Variants in DNAH5 observed in about 807,000 individuals in gnomAD.
DNAH5 encodes axonemal beta dynein heavy chain 5.
DNAH5 carries 372 observed loss-of-function variants against 518.2 expected under a neutral mutation model. The observed-to-expected ratio is 0.72, with a 90% CI of 0.66 to 0.78. The LOEUF (loss-of-function observed/expected upper bound fraction) is 0.78, where lower values mean the gene tolerates loss of function less well. DNAH5 is among the 30% of genes least tolerant of loss of function. DNAH5 has a pLI of 0.00. For missense variants in DNAH5, 5,523 were observed against 5,687.0 expected (o/e 0.97, Z 0.93); for synonymous variants, 2,039 against 2,025.9 (o/e 1.01, Z -0.17).
At chr5:13,748,649 T>C (rs1749766721) in intron 65 of DNAH5, among the ~76,000 whole-genome samples, 1 of 152,210 alleles carries the variant, frequency 6.6e-6, no homozygotes, top group Non-Finnish European at 1.5e-5. Context: ...CAATTGTGAA[T>C]GGGAGTTCAC....
chr5:13,767,707 T>C (rs1752705187), intron 58 of DNAH5, among the ~76,000 whole-genome samples: 2 of 152,198 alleles, frequency 1.3e-5, no homozygotes, highest in Non-Finnish European at 2.9e-5. Flanking sequence ...TAAAAGAGGT[T>C]GGAGAGGGGA....
At chr5:13,993,997 G>A (rs1053594918) in intron 1 of DNAH5, among the ~76,000 whole-genome samples, 1 of 152,234 alleles carries the variant, frequency 6.6e-6, no homozygotes, top group African/African-American at 2.4e-5. Context: ...GTCGGAAGGA[G>A]GAAGGCAATT....
chr5:13,754,202 C>T lies in DNAH5; in HGVS notation c.10555+1G>A. 1.2e-6 allele frequency: 2 copies of T among 1,614,016 alleles called. No individual in the cohort carries two copies. The highest frequency in any genetic ancestry group is 1.7e-6 in the Non-Finnish European group (2 of 1,179,948). The stretch of plus-strand genomic sequence containing the variant: ...TCTCATTAATAAAGAAATTTACATA[C>T]CTACAAGTCTTTTAGTTTGTGCAGC... On this transcript the variant is annotated splice_donor_variant, in intron 62 of 78. Transcript: ENST00000265104. LOFTEE classifies it high-confidence loss of function.
At position 13,825,524 on chromosome 5, in the gene DNAH5, G is replaced by C. The variant is rs115405386; in HGVS notation, c.6445-1191C>G. On this transcript the variant is annotated intron_variant, in intron 38 of 78. Transcript: ENST00000265104. ...TATATACATATAACAATATTATTTA[G>C]CCATAAAAAGAAAGGACATCCTGTC... Among the ~76,000 whole-genome samples the C allele has an allele frequency of 8.9e-3, 1,350 of 152,210 alleles. 11 individuals carry two copies. The highest frequency in any genetic ancestry group is 0.012 in the Non-Finnish European group (847 of 68,018).
chr5:13,968,067 A>AT (rs1220558275), intron 1 of DNAH5, among the ~76,000 whole-genome samples: 1 of 151,170 alleles, frequency 6.6e-6, no homozygotes, highest in Admixed American at 6.6e-5. Flanking sequence ...ATTTTATTTC[A>AT]TTTTTTGTTG....
Position 13,766,159 on chromosome 5 carries a change from G to A in DNAH5, c.9918C>T (p.Ile3306=), listed in dbSNP as rs373676166. The change falls in exon 59 of 79, where the codon ATC becomes ATT. Residue 3306 remains isoleucine (I), a synonymous_variant. Transcript: ENST00000265104. ...GGCGGCCCAACGTGCGAACAGTGGC[G>A]ATGTCCGAAGGCCTGATGGTCTGGG... ...AALQTIRPSD[I]ATVRTLGRPP... 4.6e-5 allele frequency: 75 copies of A among 1,614,182 alleles called. No individual in the cohort carries two copies. In the Middle Eastern group the frequency reaches 1.8e-3, roughly 39 times the overall value.
intron 60 of DNAH5, among the ~76,000 whole-genome samples, chr5:13,759,637 G>A (rs1751509403): frequency 6.6e-6 from 1 of 152,128 alleles, no homozygotes; most frequent in Non-Finnish European, 1.5e-5. Flanking sequence ...CTTGAGCTGT[G>A]ACTAATTAAA....
chr5:13,788,733 T>C lies in DNAH5; in HGVS notation c.8630A>G (p.Asp2877Gly). 1 of 1,614,066 alleles carries C rather than the reference T, an allele frequency of 6.2e-7. No homozygotes were observed. Among genetic ancestry groups the C allele is most frequent in the South Asian group, 1.1e-5 (1 of 91,084 alleles). Residue 2877 changes from aspartate (D) to glycine (G), a missense_variant, in exon 51 of 79, where the codon GAT becomes GGT. Around this residue, in one of 3 missense-constraint regions of DNAH5, gnomAD observed 5,121 missense variants for 5,223.3 expected, o/e 0.98. Coordinates refer to ENST00000265104, the MANE Select transcript of DNAH5 (RefSeq NM_001369.3). ...TAGTTTACCTGCAGCTTCAGGTGCA[T>C]CTCTCAAGAAATCCACAAAATATGT... ...IDTYFVDFLR[D>G]APEAAGETSE...
chr5:13,991,311 G>A (rs943003799), intron 1 of DNAH5, among the ~76,000 whole-genome samples: 6 of 152,064 alleles, frequency 3.9e-5, no homozygotes, highest in African/African-American at 4.8e-5. Context: ...TGAGGTCTAC[G>A]GCAAAAAAGA....
At chr5:13,980,414 G>A (rs544744885) in intron 1 of DNAH5, among the ~76,000 whole-genome samples, 9 of 152,122 alleles carry the variant, frequency 5.9e-5, no homozygotes, top group Admixed American at 3.3e-4. Flanking sequence ...TCAGATTCGG[G>A]CATCGAACTC....
At chr5:13,945,196 G>A (rs1463749380), upstream of DNAH5, among the ~76,000 whole-genome samples, 1 of 152,230 alleles carries the variant, frequency 6.6e-6, no homozygotes, top group African/African-American at 2.4e-5. Flanking sequence ...CATCTTAACT[G>A]TGAAGATGTA....
chr5:13,932,661 T>G (rs978356806), intron 1 of DNAH5, among the ~76,000 whole-genome samples: 1 of 152,238 alleles, frequency 6.6e-6, no homozygotes, highest in Non-Finnish European at 1.5e-5. Flanking sequence ...GATAGGTGTT[T>G]AGCTGTCTGT....
chr5:13,817,176 C>T (rs1580397455), intron 42 of DNAH5, among the ~76,000 whole-genome samples: 1 of 152,184 alleles, frequency 6.6e-6, no homozygotes, highest in Admixed American at 6.5e-5. Context: ...GAAATCAATT[C>T]TTTAAAAATA....
In DNAH5 at chr5:13,809,175, G is replaced by A. The variant is rs1162927329; in HGVS notation, c.7621C>T (p.His2541Tyr). 1.2e-6 allele frequency: 2 copies of A among 1,614,090 alleles called. No individual in the cohort carries two copies. The highest frequency in any genetic ancestry group is 1.7e-5 in the Admixed American group (1 of 60,006). The stretch of plus-strand genomic sequence containing the variant: ...TATTCCTGGGTACGCGTGTTCCAGT[G>A]CGTCCATGTACCTAAGGTGAGCAGA... ...YYVAPDGTWT[H>Y]WNTRTQEYLY... The change falls in exon 46 of 79, where the codon CAC (histidine) becomes TAC (tyrosine). Residue 2541 changes from histidine (H) to tyrosine (Y), a missense_variant. Physicochemically the swap from His to Tyr is moderately conservative, Grantham distance 83 (BLOSUM62 2). Coordinates refer to ENST00000265104, the MANE Select transcript of DNAH5 (RefSeq NM_001369.3).
chr5:13,923,032 A>G (rs185601246), intron 4 of DNAH5, among the ~76,000 whole-genome samples: 7 of 152,328 alleles, frequency 4.6e-5, no homozygotes, highest in Admixed American at 4.6e-4. Flanking sequence ...GAAAGCCCTC[A>G]CTGTTATACA....
intron 26 of DNAH5, 146 bp downstream of exon 26, chr5:13,866,074 G>T (rs1769198469): frequency 1.1e-6 from 1 of 892,652 alleles, no homozygotes; most frequent in Non-Finnish European, 1.8e-6. Context: ...ACTTCTAATT[G>T]TAATCCTACA....
chr5:13,839,796 G>T (rs1324293731), intron 34 of DNAH5, among the ~76,000 whole-genome samples: 1 of 152,132 alleles, frequency 6.6e-6, no homozygotes, highest in Admixed American at 6.5e-5. Context: ...TTAATAATAA[G>T]ATATTAATTT....
chr5:13,872,131 G>T (rs1375569805), intron 22 of DNAH5, among the ~76,000 whole-genome samples: 2 of 152,068 alleles, frequency 1.3e-5, no homozygotes, highest in Non-Finnish European at 2.9e-5. Flanking sequence ...ATACTCTGAG[G>T]TCATTCTCCT....
intron 1 of DNAH5, among the ~76,000 whole-genome samples, chr5:13,941,939 T>C (rs892514868): frequency 6.6e-6 from 1 of 152,192 alleles, no homozygotes; most frequent in African/African-American, 2.4e-5. Flanking sequence ...GTCAACAAAG[T>C]CAACCAACAA....
Sources: gnomAD v4.1 joint callset for allele counts (sites outside exome capture counted in the v4.1 genomes callset) on GRCh38, gnomAD v4.1.1 for gene constraint, gnomAD v4.1.1 regional missense constraint, MANE v1.5 for transcripts, NCBI Gene and HGNC (gene_info 2026-07-23, HGNC 2026-07-21) for gene names.